IRS1: variants seen among roughly 807,000 people sequenced by gnomAD.
The protein encoded by IRS1 is insulin receptor substrate 1.
In IRS1, 34 loss-of-function variants were observed where a neutral mutation model predicts 65.6. The observed-to-expected ratio is 0.52, with a 90% CI of 0.39 to 0.69. The LOEUF (loss-of-function observed/expected upper bound fraction) is 0.69. IRS1 is among the 30% of genes least tolerant of loss of function. The pLI is 0.00. For missense variants in IRS1, 1,641 were observed against 1,720.2 expected, an observed-to-expected ratio of 0.95 and a Z score of 0.81; for synonymous variants, 699 against 683.5, an observed-to-expected ratio of 1.02 and a Z score of -0.35.
chr2:226,744,865 C>T (rs1938506536), intron 1 of IRS1, among the ~76,000 whole-genome samples: 1 of 152,008 alleles, frequency 6.6e-6, no homozygotes, highest in African/African-American at 2.4e-5. Flanking sequence ...GTTTTCCTTT[C>T]TGCATTGAGG....
At chr2:226,748,639 T>G (rs756365519) in intron 1 of IRS1, among the ~76,000 whole-genome samples, 12 of 151,390 alleles carry the variant, frequency 7.9e-5, no homozygotes, top group Non-Finnish European at 1.6e-4. Context: ...AGATAATTTA[T>G]GATCAAAAAA....
chr2:226,795,428 A>G lies in IRS1; in HGVS notation c.3311T>C (p.Phe1104Ser). Residue 1104 changes from phenylalanine (F) to serine (S), a missense_variant, in exon 1 of 2, where the codon TTC becomes TCC. By Grantham distance (155) the Phe-to-Ser change is radical (BLOSUM62 -2). This residue lies in a region of IRS1 where 1,324 missense variants were observed against 1,361.0 expected (regional missense o/e 0.97). Coordinates refer to ENST00000305123, the MANE Select transcript of IRS1 (RefSeq NM_005544.3). Reference protein sequence around the residue: ...GCRRRHSSETFSSTPSATRVG... With the variant: ...GCRRRHSSETSSSTPSATRVG... ...CCGGGTGGCACTGGGTGTTGAGGAGAAAGTCTCGGAGCTATGCCTCCGCCG... is the reference window on the plus strand; with the variant it reads ...CCGGGTGGCACTGGGTGTTGAGGAGGAAGTCTCGGAGCTATGCCTCCGCCG... The G allele has an allele frequency of 1.2e-6, 2 of 1,613,424 alleles. No homozygotes were observed. Among genetic ancestry groups the G allele is most frequent in the South Asian group, 1.1e-5 (1 of 91,082 alleles).
Position 226,799,004 on chromosome 2 carries a change from C to G in IRS1, c.-266G>C. 2.1e-6 allele frequency: 3 copies of G among 1,422,950 alleles called. No homozygotes were observed. Among genetic ancestry groups the G allele is most frequent in the Non-Finnish European group, 2.8e-6 (3 of 1,084,630 alleles). The allele number at this position is 1,422,950 out of a possible 1,614,324, so 88.1% of individuals were successfully genotyped here. On this transcript the variant is annotated 5_prime_UTR_variant, in exon 1 of 2. Transcript: ENST00000305123. This position sits in a 1 kb window ranked among gnomAD's most constrained non-coding sequence, Gnocchi z 6.1. The stretch of plus-strand genomic sequence containing the variant: ...CAGTGCGTCCGGGGTGAGGGCAGCC[C>G]CGATCCTCCGAGAGCCAAGTCTCCT...
rs765447856 is a variant in IRS1 at position 226,797,318 on chromosome 2, G to A, written c.1421C>T (p.Ser474Phe). The change falls in exon 1 of 2, where the codon TCC becomes TTC. Residue 474 changes from serine (S) to phenylalanine (F), a missense_variant. Physicochemically the swap from Ser to Phe is radical, Grantham distance 155. Transcript: ENST00000305123. This position sits in a 1 kb window ranked among gnomAD's most constrained non-coding sequence, Gnocchi z 8.1. Reference sequence around the variant, plus strand: ...GTGACCGTTGGGGGCGGTCAGGGTGGAGGGCCCCTTGCCACCCATGCAGAT... The same window carrying A: ...GTGACCGTTGGGGGCGGTCAGGGTGAAGGGCCCCTTGCCACCCATGCAGAT... ...NYICMGGKGP[S>F]TLTAPNGHYI... is the part of the protein sequence containing the mutation. 1.2e-6 allele frequency: 2 copies of A among 1,613,486 alleles called. No homozygotes were observed. Among genetic ancestry groups the A allele is most frequent in the Non-Finnish European group, 1.7e-6 (2 of 1,179,996 alleles).
chr2:226,766,150 TATATATA>T (rs1291037641), intron 1 of IRS1, among the ~76,000 whole-genome samples: 8 of 10,090 alleles, frequency 7.9e-4, no homozygotes, highest in Admixed American at 1.5e-3. Flanking sequence ...TATATATATA[TATATATA>T]TATATATTTT....
Position 226,798,907 on chromosome 2 carries a change from G to A in IRS1, c.-169C>T. The A allele has an allele frequency of 6.7e-7, 1 of 1,500,320 alleles. No individual in the cohort carries two copies. Among genetic ancestry groups the A allele is most frequent in the Non-Finnish European group, 8.9e-7 (1 of 1,122,778 alleles). 92.9% of individuals were successfully genotyped at this position (1,500,320 alleles called of 1,614,324 possible). A position where few individuals can be genotyped will look rare whatever the true frequency, so the allele number is the denominator to read the frequency against. ...CCCGCGCCGGGGAGGGGCAGCTGAA[G>A]GAGGACGCAGCTGCTGAGCCCAGGA... On this transcript the variant is annotated 5_prime_UTR_variant, in exon 1 of 2. Transcript: ENST00000305123. This position sits in a 1 kb window ranked among gnomAD's most constrained non-coding sequence, Gnocchi z 9.4.
chr2:226,784,132 T>A (rs1244700843), intron 1 of IRS1, among the ~76,000 whole-genome samples: 1 of 152,166 alleles, frequency 6.6e-6, no homozygotes, highest in Admixed American at 6.5e-5. Flanking sequence ...CACAGAATTG[T>A]GACCTAGTAA....
chr2:226,787,545 G>A (rs573790280), intron 1 of IRS1, among the ~76,000 whole-genome samples: 1 of 152,166 alleles, frequency 6.6e-6, no homozygotes, highest in Non-Finnish European at 1.5e-5. Context: ...TTCAATAAAA[G>A]GTGTACTATT....
intron 1 of IRS1, among the ~76,000 whole-genome samples, chr2:226,756,690 G>A (rs1370068242): frequency 6.6e-6 from 1 of 152,174 alleles, no homozygotes; most frequent in Non-Finnish European, 1.5e-5. Context: ...CTGGCTGGGC[G>A]AGGTGGCTCA....
At chr2:226,769,364 T>A (rs191753000) in intron 1 of IRS1, among the ~76,000 whole-genome samples, 4 of 152,298 alleles carry the variant, frequency 2.6e-5, no homozygotes, top group Admixed American at 2.6e-4. Flanking sequence ...CAGGTTCAAA[T>A]AATCAGTGAC....
At chr2:226,762,001 G>T (rs1938925067) in intron 1 of IRS1, among the ~76,000 whole-genome samples, 3 of 152,184 alleles carry the variant, frequency 2.0e-5, no homozygotes, top group Admixed American at 2.0e-4. Context: ...AAGTCAGAAA[G>T]AACTAAAATG....
intron 1 of IRS1, among the ~76,000 whole-genome samples, chr2:226,766,793 G>A (rs1040534067): frequency 6.6e-6 from 1 of 152,016 alleles, no homozygotes; most frequent in Admixed American, 6.6e-5. Context: ...ATAATTGCAG[G>A]AACTCAAATA....
Position 226,795,924 on chromosome 2 carries a change from C to G in IRS1, c.2815G>C (p.Glu939Gln). 6.2e-7 allele frequency: 1 copy of G among 1,614,026 alleles called. No homozygotes were observed. Among genetic ancestry groups the G allele is most frequent in the Non-Finnish European group, 8.5e-7 (1 of 1,180,054 alleles). Reference sequence around the variant, plus strand: ...CCCAGGTCCATCTTCATGTACTCCTCAGTGCCAGTCTCTTCCTCTCTGGGA... The same window carrying G: ...CCCAGGTCCATCTTCATGTACTCCTGAGTGCCAGTCTCTTCCTCTCTGGGA... Reference protein sequence around the residue: ...PAPREEETGTEEYMKMDLGPG... With the variant: ...PAPREEETGTQEYMKMDLGPG... The change falls in exon 1 of 2, where the codon GAG (glutamate) becomes CAG (glutamine). Residue 939 changes from glutamate to glutamine, a missense_variant. Glu to Gln is a conservative substitution (Grantham distance 29). Transcript: ENST00000305123.
intron 1 of IRS1, among the ~76,000 whole-genome samples, chr2:226,789,200 C>T (rs148910550): frequency 3.3e-5 from 5 of 152,302 alleles, no homozygotes; most frequent in African/African-American, 4.8e-5. Flanking sequence ...AGCTAAGACA[C>T]ATATCTGATT....
intron 1 of IRS1, chr2:226,792,320 T>C (rs1439372078): frequency 6.6e-6 from 1 of 152,112 alleles, no homozygotes; most frequent in Non-Finnish European, 1.5e-5. Context: ...AGAGGCTCTT[T>C]TTGCCCTGCT....
intron 1 of IRS1, among the ~76,000 whole-genome samples, chr2:226,776,650 C>G (rs933610910): frequency 6.6e-6 from 1 of 152,198 alleles, no homozygotes; most frequent in Non-Finnish European, 1.5e-5. Context: ...CTCATGCCTG[C>G]AATCCCAGCA....
chr2:226,796,473 G>C lies in IRS1; in HGVS notation c.2266C>G (p.Pro756Ala), dbSNP rs775805301. 1.2e-6 allele frequency: 2 copies of C among 1,613,802 alleles called. No individual in the cohort carries two copies. Among genetic ancestry groups the C allele is most frequent in the Non-Finnish European group, 1.7e-6 (2 of 1,180,030 alleles). ...PSDCYYGPEDPQHKPVLSYYS... is the reference protein window; with the variant it reads ...PSDCYYGPEDAQHKPVLSYYS... Reference sequence around the variant, plus strand: ...TAGGAGAGGACTGGCTTGTGCTGGGGGTCCTCAGGGCCGTAGTAGCAGTCG... The same window carrying C: ...TAGGAGAGGACTGGCTTGTGCTGGGCGTCCTCAGGGCCGTAGTAGCAGTCG... The change falls in exon 1 of 2, where the codon CCC (proline) becomes GCC (alanine). Residue 756 changes from proline (P) to alanine (A), a missense_variant. Physicochemically the swap from Pro to Ala is conservative, Grantham distance 27. Coordinates refer to ENST00000305123, the MANE Select transcript of IRS1 (RefSeq NM_005544.3).
intron 1 of IRS1, among the ~76,000 whole-genome samples, chr2:226,766,161 A>ATTTTTTTTTTTTTTTT (rs1312915502): frequency 7.3e-4 from 4 of 5,458 alleles, no homozygotes; most frequent in Non-Finnish European, 1.2e-3. Context: ...ATATATATAT[A>ATTTTTTTTTTTTTTTT]TATTTTTTTT....
At position 226,794,124 on chromosome 2, in the gene IRS1, T is replaced by C. The variant is rs1421250087; in HGVS notation, c.*21+865A>G. Among the ~76,000 whole-genome samples, 3 of 152,198 alleles carry C rather than the reference T, an allele frequency of 2.0e-5. No homozygotes were observed. The highest frequency in any genetic ancestry group is 1.9e-4 in the East Asian group (1 of 5,202). ...TAAAAGTAATTTTACAGAAGATATA[T>C]AGTAGCCCCCAAATGATATCTGTAA... On this transcript the variant is annotated intron_variant, in intron 1 of 1. Coordinates refer to ENST00000305123, the MANE Select transcript of IRS1 (RefSeq NM_005544.3). This position sits in a 1 kb window ranked among gnomAD's most constrained non-coding sequence, Gnocchi z 4.1.
Sources: allele counts gnomAD v4.1 joint callset (sites outside exome capture counted in the v4.1 genomes callset), GRCh38; gene constraint gnomAD v4.1.1; regional missense constraint gnomAD v4.1.1; non-coding constraint Gnocchi (gnomAD v3.1); transcripts MANE v1.5; gene names NCBI Gene and HGNC (gene_info 2026-07-23, HGNC 2026-07-21).